The following AKAP6 variants were observed in gnomAD, a reference collection of about 807,000 sequenced individuals.
AKAP6 encodes A-kinase anchor protein 6.
AKAP6 carries 58 observed loss-of-function variants against 188.5 expected under a neutral mutation model. The observed-to-expected ratio is 0.31, with a 90% CI of 0.25 to 0.38. The LOEUF is 0.38. Ranked by LOEUF, AKAP6 falls within the 10% of genes least tolerant of loss-of-function variation. The pLI is 1.00. For synonymous variants in AKAP6, 989 were observed against 998.6 expected (o/e 0.99, Z 0.18); for missense variants, 2,710 against 2,740.0 (o/e 0.99, Z 0.24).
intron 2 of AKAP6, among the ~76,000 whole-genome samples, chr14:32,505,592 T>A (rs1880830025): frequency 6.6e-6 from 1 of 152,130 alleles, no homozygotes; most frequent in South Asian, 2.1e-4. Flanking sequence ...AAGGGAAAAT[T>A]AGTAATACTT....
At chr14:32,592,914 C>T (rs1327584326) in intron 5 of AKAP6, among the ~76,000 whole-genome samples, 7 of 151,990 alleles carry the variant, frequency 4.6e-5, no homozygotes, top group Admixed American at 4.6e-4. Flanking sequence ...CTCCAGAGCC[C>T]TTGCTTGTCA....
intron 7 of AKAP6, among the ~76,000 whole-genome samples, chr14:32,619,820 ATTTG>A (rs1886739965): frequency 6.6e-6 from 1 of 152,058 alleles, no homozygotes; most frequent in Admixed American, 6.6e-5. Flanking sequence ...ATGTATTTTC[ATTTG>A]TTTGTGTCAT....
intron 1 of AKAP6, among the ~76,000 whole-genome samples, chr14:32,378,920 T>C (rs1168279168): frequency 1.2e-3 from 5 of 4,238 alleles, no homozygotes; most frequent in Admixed American, 0.011. Context: ...TTTCTTCCTT[T>C]TTTTTTTTTT....
intron 11 of AKAP6, among the ~76,000 whole-genome samples, chr14:32,772,868 G>A (rs1426927148): frequency 2.0e-5 from 3 of 152,128 alleles, no homozygotes; most frequent in African/African-American, 7.2e-5. Context: ...TGAAGGCTCC[G>A]AATTAGAATA....
At chr14:32,738,406 T>A (rs547777330) in intron 11 of AKAP6, among the ~76,000 whole-genome samples, 1 of 152,290 alleles carries the variant, frequency 6.6e-6, no homozygotes, top group South Asian at 2.1e-4. Flanking sequence ...AGTTTAGACC[T>A]GTTACAAGAC....
At chr14:32,664,946 G>A (rs974398197) in intron 7 of AKAP6, among the ~76,000 whole-genome samples, 1 of 152,104 alleles carries the variant, frequency 6.6e-6, no homozygotes, top group South Asian at 2.1e-4. Context: ...TTTCTTAAAA[G>A]TGTCTTGTAG....
chr14:32,355,632 A>C (rs938144293), intron 1 of AKAP6, among the ~76,000 whole-genome samples: 2 of 152,242 alleles, frequency 1.3e-5, no homozygotes, highest in African/African-American at 4.8e-5. Context: ...GACAAGATCT[A>C]GTGGTGGGCC....
At chr14:32,701,213 CAT>C (rs533691871) in intron 9 of AKAP6, among the ~76,000 whole-genome samples, 28 of 151,968 alleles carry the variant, frequency 1.8e-4, no homozygotes, top group Admixed American at 4.6e-4. Context: ...ATTTTAAAAA[CAT>C]AAATACAAAT....
chr14:32,584,079 G>A (rs1316592190), intron 5 of AKAP6, among the ~76,000 whole-genome samples: 4 of 152,214 alleles, frequency 2.6e-5, no homozygotes, highest in African/African-American at 9.6e-5. Flanking sequence ...CACTCACGCT[G>A]GGAGCTGTAG....
chr14:32,331,276 C>T (rs570834643), intron 1 of AKAP6, among the ~76,000 whole-genome samples: 26 of 152,084 alleles, frequency 1.7e-4, no homozygotes, highest in African/African-American at 6.3e-4. Flanking sequence ...TTAAAGTGCT[C>T]TTCAGCTGCT....
chr14:32,361,494 G>A (rs1214040063), intron 1 of AKAP6, among the ~76,000 whole-genome samples: 1 of 152,170 alleles, frequency 6.6e-6, no homozygotes, highest in Non-Finnish European at 1.5e-5. Flanking sequence ...CTGTTACAAA[G>A]CACAGTAAGT....
intron 12 of AKAP6, among the ~76,000 whole-genome samples, chr14:32,805,942 T>C (rs534278263): frequency 2.0e-5 from 3 of 152,224 alleles, no homozygotes; most frequent in South Asian, 2.1e-4. Flanking sequence ...CATGAGGCCA[T>C]GGTATGAAGG....
intron 7 of AKAP6, among the ~76,000 whole-genome samples, chr14:32,652,049 C>T (rs1350954517): frequency 1.3e-5 from 2 of 151,830 alleles, no homozygotes; most frequent in Non-Finnish European, 2.9e-5. Context: ...CAGTGGTGTC[C>T]GGATCTACAT....
intron 9 of AKAP6, among the ~76,000 whole-genome samples, chr14:32,698,120 A>G (rs755386483): frequency 6.6e-6 from 1 of 152,134 alleles, no homozygotes; most frequent in Non-Finnish European, 1.5e-5. Flanking sequence ...AAATTATTCC[A>G]GAGGCTTGGA....
intron 2 of AKAP6, among the ~76,000 whole-genome samples, chr14:32,511,117 T>C (rs1472566734): frequency 6.6e-6 from 1 of 152,174 alleles, no homozygotes; most frequent in Admixed American, 6.5e-5. Flanking sequence ...AATTGCAGGG[T>C]CCATTTTTTT....
Position 32,822,813 on chromosome 14 carries a change from C to A in AKAP6, c.5000C>A (p.Ser1667Tyr). 2 of 1,613,954 alleles carry A rather than the reference C, an allele frequency of 1.2e-6. No homozygotes were observed. Among genetic ancestry groups the A allele is most frequent in the Non-Finnish European group, 1.7e-6 (2 of 1,179,924 alleles). The change falls in exon 13 of 14, where the codon TCC becomes TAC. Residue 1667 changes from serine (S) to tyrosine (Y), a missense_variant. Coordinates refer to ENST00000280979, the MANE Select transcript of AKAP6 (RefSeq NM_004274.5). The part of the protein sequence containing the change: ...ITLQSSSQKM[S>Y]FTGQMSLDIA... ...CTTCAAAGCAGTTCCCAAAAGATGT[C>A]CTTTACTGGCCAGATGTCATTGGAC...
intron 11 of AKAP6, among the ~76,000 whole-genome samples, chr14:32,770,599 A>C (rs185771048): frequency 7.2e-4 from 109 of 152,306 alleles, no homozygotes; most frequent in Admixed American, 1.8e-3. Flanking sequence ...CCACTGCCAG[A>C]GGCTACTTAC....
chr14:32,791,064 TG>T (rs2033594031), intron 12 of AKAP6, among the ~76,000 whole-genome samples: 1 of 152,216 alleles, frequency 6.6e-6, no homozygotes, highest in African/African-American at 2.4e-5. Flanking sequence ...TTGCGAATAG[TG>T]CTGCAATAAA....
At chr14:32,370,921 G>T (rs1439990811) in intron 1 of AKAP6, among the ~76,000 whole-genome samples, 8 of 152,110 alleles carry the variant, frequency 5.3e-5, no homozygotes, top group Non-Finnish European at 2.9e-5. Context: ...ATGACTCTTG[G>T]TTTTAATTTC....
Sources: allele counts gnomAD v4.1 joint callset (sites outside exome capture counted in the v4.1 genomes callset), GRCh38; gene constraint gnomAD v4.1.1; transcripts MANE v1.5; gene names NCBI Gene and HGNC (gene_info 2026-07-23, HGNC 2026-07-21).